AFG1L: variants seen among roughly 807,000 people sequenced by gnomAD.
The protein encoded by AFG1L is AFG1 like ATPase.
In AFG1L, 53 loss-of-function variants were observed where a neutral mutation model predicts 62.2. That is an observed-to-expected ratio of 0.85 (90% CI 0.68 to 1.07). The LOEUF (loss-of-function observed/expected upper bound fraction) is 1.07. Ranked by LOEUF, AFG1L falls within the 50% of genes least tolerant of loss-of-function variation. AFG1L has a pLI of 0.00. For synonymous variants in AFG1L, 228 were observed against 210.3 expected (o/e 1.08, Z -0.73); for missense variants, 555 against 590.5 (o/e 0.94, Z 0.62).
intron 8 of AFG1L, among the ~76,000 whole-genome samples, chr6:108,474,694 T>G (rs1243900215): frequency 6.6e-6 from 1 of 152,222 alleles, no homozygotes; most frequent in Non-Finnish European, 1.5e-5. Context: ...TTTCAAGAAG[T>G]GTCTGTTCAT....
At chr6:108,331,535 A>G (rs1778277552) in intron 2 of AFG1L, among the ~76,000 whole-genome samples, 1 of 152,226 alleles carries the variant, frequency 6.6e-6, no homozygotes, top group Non-Finnish European at 1.5e-5. Flanking sequence ...TGAAGATGTT[A>G]TGAACAGATG....
chr6:108,418,597 A>C (rs939497045), intron 7 of AFG1L, among the ~76,000 whole-genome samples: 3 of 152,188 alleles, frequency 2.0e-5, no homozygotes, highest in African/African-American at 7.2e-5. Flanking sequence ...TTGCTGGATA[A>C]ATGGTTGATC....
intron 7 of AFG1L, among the ~76,000 whole-genome samples, chr6:108,415,083 C>T (rs966801370): frequency 6.6e-6 from 1 of 152,170 alleles, no homozygotes; most frequent in Non-Finnish European, 1.5e-5. Context: ...TCTCAGGATA[C>T]AAAATCAATG....
intron 7 of AFG1L, among the ~76,000 whole-genome samples, chr6:108,427,288 T>A (rs959816875): frequency 3.3e-5 from 5 of 151,932 alleles, no homozygotes; most frequent in Non-Finnish European, 5.9e-5. Flanking sequence ...GGTGTCTTGC[T>A]ATGTTGCCCA....
At chr6:108,385,862 G>A (rs2114572518) in intron 6 of AFG1L, among the ~76,000 whole-genome samples, 1 of 152,310 alleles carries the variant, frequency 6.6e-6, no homozygotes, top group South Asian at 2.1e-4. Flanking sequence ...TGTAATCCCA[G>A]TGCTTTGGGA....
rs544138856 is a variant in AFG1L at position 108,451,812 on chromosome 6, G to A, written c.890+4516G>A. Reference sequence around the variant, plus strand: ...CGGCTCACTGCAACCTCTGCTTCCCGGGTTCAAGCAATTCTCCTGCCTCAG... The same window carrying A: ...CGGCTCACTGCAACCTCTGCTTCCCAGGTTCAAGCAATTCTCCTGCCTCAG... On this transcript the variant is annotated intron_variant, in intron 8 of 12. Transcript: ENST00000368977. 3.9e-5 allele frequency among the ~76,000 whole-genome samples: 6 copies of A among 152,064 alleles called. No individual in the cohort carries two copies. The East Asian group carries it at 5.8e-4, about 15-fold the overall frequency.
intron 7 of AFG1L, among the ~76,000 whole-genome samples, chr6:108,424,456 G>A (rs1770728174): frequency 6.6e-6 from 1 of 152,006 alleles, no homozygotes. Context: ...GTAGAAGAAA[G>A]CAATAGTTAG....
chr6:108,381,112 C>A (rs1366434987), intron 6 of AFG1L, among the ~76,000 whole-genome samples: 2 of 152,306 alleles, frequency 1.3e-5, no homozygotes, highest in Admixed American at 1.3e-4. Context: ...ACCAAAAACA[C>A]TCATTTTATA....
chr6:108,519,656 A>T, intron 11 of AFG1L, 41 bp from the exon 12 acceptor site: 1 of 1,034,788 alleles, frequency 9.7e-7, no homozygotes, highest in Non-Finnish European at 1.5e-6. Context: ...AACTTGTGAA[A>T]TGTAAAGAGT....
chr6:108,514,165 A>G (rs1239901526), intron 11 of AFG1L, among the ~76,000 whole-genome samples: 1 of 152,204 alleles, frequency 6.6e-6, no homozygotes, highest in Non-Finnish European at 1.5e-5. Context: ...GACGGGGAAA[A>G]AACAGAGCAG....
At chr6:108,382,654 T>A (rs1780598794) in intron 6 of AFG1L, among the ~76,000 whole-genome samples, 1 of 152,344 alleles carries the variant, frequency 6.6e-6, no homozygotes, top group South Asian at 2.1e-4. Context: ...AATGTATGTA[T>A]CTTAGTTAAA....
chr6:108,358,137 T>C (rs1439125246), intron 5 of AFG1L, among the ~76,000 whole-genome samples: 2 of 152,186 alleles, frequency 1.3e-5, no homozygotes, highest in Non-Finnish European at 2.9e-5. Context: ...CATTGAGTCG[T>C]TTGAAAAAGC....
intron 2 of AFG1L, among the ~76,000 whole-genome samples, chr6:108,340,095 T>A (rs1221693684): frequency 2.0e-5 from 3 of 151,908 alleles, no homozygotes; most frequent in Non-Finnish European, 4.4e-5. Context: ...ACTTGCTATG[T>A]TCATGAGTTC....
At chr6:108,394,924 T>A (rs1781224016) in intron 6 of AFG1L, among the ~76,000 whole-genome samples, 1 of 152,186 alleles carries the variant, frequency 6.6e-6, no homozygotes, top group Non-Finnish European at 1.5e-5. Context: ...CCTCAGCAAC[T>A]TGGCAATTAG....
At chr6:108,313,728 C>T (rs546718602) in intron 1 of AFG1L, among the ~76,000 whole-genome samples, 7 of 152,056 alleles carry the variant, frequency 4.6e-5, no homozygotes, top group South Asian at 2.1e-4. Flanking sequence ...TTTGTAGAGA[C>T]GGGGTTTCAC....
At chr6:108,375,588 GGTTTTT>G (rs1337258789) in intron 6 of AFG1L, among the ~76,000 whole-genome samples, 1 of 152,062 alleles carries the variant, frequency 6.6e-6, no homozygotes, top group Non-Finnish European at 1.5e-5. Context: ...ATGATTCTAT[GGTTTTT>G]GTTTTTAATT....
At chr6:108,300,952 G>A (rs1280553754) in intron 1 of AFG1L, among the ~76,000 whole-genome samples, 9 of 152,186 alleles carry the variant, frequency 5.9e-5, no homozygotes, top group Admixed American at 5.2e-4. Context: ...AATTATAGGC[G>A]TGAGCCACCA....
chr6:108,365,677 C>T (rs1282163135), intron 5 of AFG1L, among the ~76,000 whole-genome samples: 1 of 151,858 alleles, frequency 6.6e-6, no homozygotes, highest in East Asian at 1.9e-4. Context: ...GCAACAATTG[C>T]ACAATAGTAT....
At chr6:108,318,162 TAAG>T (rs1256048582) in intron 1 of AFG1L, 1 of 221,900 alleles carries the variant, frequency 4.5e-6, no homozygotes, top group Non-Finnish European at 9.0e-6. Context: ...AAGATCAGGA[TAAG>T]AAGGGCAAGG....
Sources: allele counts gnomAD v4.1 joint callset (sites outside exome capture counted in the v4.1 genomes callset), GRCh38; gene constraint gnomAD v4.1.1; transcripts MANE v1.5; gene names NCBI Gene and HGNC (gene_info 2026-07-23, HGNC 2026-07-21).